Variants in TMEM278 observed in about 807,000 individuals in gnomAD.
TMEM278 encodes the protein transmembrane protein 278.
the TMEM278 span, among the ~76,000 whole-genome samples, chr1:1,429,958 T>C: frequency 6.6e-6 from 1 of 152,230 alleles, no homozygotes. Context: ...CCTCCCAGGC[T>C]CAAGTGATCC....
the TMEM278 span, chr1:1,427,656 C>A: frequency 7.5e-7 from 1 of 1,341,274 alleles, no homozygotes; most frequent in Non-Finnish European, 9.6e-7. Flanking sequence ...GCTGCTGGTG[C>A]TCGCCTCGGC....
the TMEM278 span, among the ~76,000 whole-genome samples, chr1:1,429,534 G>T: frequency 1.3e-5 from 2 of 152,000 alleles, no homozygotes; most frequent in African/African-American, 4.8e-5. Context: ...GTCTTTGGGG[G>T]TCTAAATCTG....
chr1:1,426,440 GC>G, the TMEM278 span: 1 of 1,303,776 alleles, frequency 7.7e-7, no homozygotes, highest in Non-Finnish European at 9.8e-7. Context: ...GAGTGGGCGT[GC>G]CCTGGGTCTG....
At chr1:1,427,028 C>T in the TMEM278 span, among the ~76,000 whole-genome samples, 5 of 147,456 alleles carry the variant, frequency 3.4e-5, no homozygotes, top group Admixed American at 6.7e-5. Flanking sequence ...CCCCTCTCCC[C>T]GCCCTGCCTC....
chr1:1,426,233 C>A, the TMEM278 span: 1 of 1,454,476 alleles, frequency 6.9e-7, no homozygotes, highest in Non-Finnish European at 9.1e-7. Context: ...GGCCTCAGCC[C>A]TGACGTGCCC....
At chr1:1,426,376 C>T in the TMEM278 span, 2 of 1,419,248 alleles carry the variant, frequency 1.4e-6, no homozygotes, top group Non-Finnish European at 9.2e-7. Context: ...GATTCCTGTG[C>T]CACTCGAGGG....
chr1:1,427,618 T>C, the TMEM278 span: 1 of 1,275,804 alleles, frequency 7.8e-7, no homozygotes, highest in Non-Finnish European at 9.9e-7. Context: ...GCGGCGCTCA[T>C]CGTGTTCGGG....
the TMEM278 span, among the ~76,000 whole-genome samples, chr1:1,428,222 C>T: frequency 3.3e-5 from 5 of 150,698 alleles, no homozygotes; most frequent in South Asian, 4.2e-4. Context: ...GGGCAGAGCC[C>T]GGCAGGCAGC....
the TMEM278 span, among the ~76,000 whole-genome samples, chr1:1,428,449 C>G: frequency 1.1e-4 from 16 of 152,104 alleles, no homozygotes; most frequent in African/African-American, 3.9e-4. Context: ...CCGGGAGACA[C>G]TAAGATCTCC....
chr1:1,426,044 G>T, the TMEM278 span: 3 of 1,277,754 alleles, frequency 2.3e-6, no homozygotes, highest in South Asian at 8.4e-5. Flanking sequence ...CGTGGGGCGG[G>T]GTTAAAGGTC....
At chr1:1,429,350 A>G in the TMEM278 span, among the ~76,000 whole-genome samples, 4 of 151,892 alleles carry the variant, frequency 2.6e-5, no homozygotes, top group East Asian at 3.9e-4. Context: ...TCCATCTCAA[A>G]AAAAAAAAAA....
the TMEM278 span, chr1:1,427,809 C>A: frequency 5.8e-6 from 8 of 1,377,898 alleles, no homozygotes; most frequent in Admixed American, 2.1e-4. Flanking sequence ...CTGCGAAACC[C>A]CGGGAGGCCT....
chr1:1,426,194 A>G, the TMEM278 span: 27 of 1,417,994 alleles, frequency 1.9e-5, no homozygotes, highest in Non-Finnish European at 2.4e-5. Flanking sequence ...CACAGCGCCC[A>G]TGCTGCCCCG....
the TMEM278 span, among the ~76,000 whole-genome samples, chr1:1,426,965 C>G: frequency 2.0e-5 from 3 of 151,700 alleles, no homozygotes; most frequent in Non-Finnish European, 2.9e-5. Context: ...TGCTGCGTCC[C>G]GGATCTCCTG....
chr1:1,429,040 G>T, the TMEM278 span, among the ~76,000 whole-genome samples: 3 of 151,692 alleles, frequency 2.0e-5, no homozygotes, highest in Non-Finnish European at 4.4e-5. Flanking sequence ...GTGGTGGTGG[G>T]CACCTATAAC....
the TMEM278 span, chr1:1,427,545 G>C: frequency 3.8e-5 from 12 of 319,882 alleles, no homozygotes; most frequent in Non-Finnish European, 3.8e-5. Flanking sequence ...CGGCCCGCCC[G>C]GCCCCCAGGT....
chr1:1,428,306 G>GCTCT, the TMEM278 span, among the ~76,000 whole-genome samples: 1 of 151,834 alleles, frequency 6.6e-6, no homozygotes, highest in Non-Finnish European at 1.5e-5. Context: ...ATCGTCCAGG[G>GCTCT]CTCTGGGGCT....
At chr1:1,428,000 AGG>A in the TMEM278 span, among the ~76,000 whole-genome samples, 3 of 74,762 alleles carry the variant, frequency 4.0e-5, no homozygotes, top group South Asian at 4.3e-4. Context: ...AGGGGAAGAG[AGG>A]GGAGGGGAGG....
the TMEM278 span, chr1:1,427,810 C>T: frequency 1.1e-5 from 15 of 1,377,054 alleles, no homozygotes; most frequent in Non-Finnish European, 1.0e-5. Context: ...TGCGAAACCC[C>T]GGGAGGCCTC....
Sources: gnomAD v4.1 joint callset for allele counts (sites outside exome capture counted in the v4.1 genomes callset) on GRCh38, gnomAD v4.1.1 for gene constraint, MANE v1.5 for transcripts, NCBI Gene and HGNC (gene_info 2026-07-23, HGNC 2026-07-21) for gene names.